Variants in DENND2B observed in about 807,000 individuals in gnomAD.
DENND2B encodes DENN domain containing 2B.
DENND2B carries 32 observed loss-of-function variants against 116.0 expected under a neutral mutation model. That is an observed-to-expected ratio of 0.28 (90% confidence interval 0.21 to 0.37). DENND2B has a LOEUF of 0.37. DENND2B is among the 10% of genes least tolerant of loss of function. The probability of loss-of-function intolerance (pLI) is 1.00; values close to 1 mark genes in which losing one functional copy is unlikely to be tolerated. For missense variants in DENND2B, 1,276 were observed against 1,477.7 expected (o/e 0.86, Z 2.24); for synonymous variants, 588 against 583.9 (o/e 1.01, Z -0.10).
chr11:8,698,654 G>C (rs2040900541), intron 16 of DENND2B, among the ~76,000 whole-genome samples: 1 of 152,208 alleles, frequency 6.6e-6, no homozygotes, highest in South Asian at 2.1e-4. Flanking sequence ...AAGACCATGT[G>C]GCTCAAAGGG....
At chr11:8,732,759 T>C (rs1340888334) in intron 2 of DENND2B, among the ~76,000 whole-genome samples, 1 of 152,220 alleles carries the variant, frequency 6.6e-6, no homozygotes, top group Non-Finnish European at 1.5e-5. Flanking sequence ...TCCAAACAGT[T>C]TCAGTTCAAA....
chr11:8,721,018 A>C (rs1297224753), intron 4 of DENND2B, among the ~76,000 whole-genome samples: 1 of 151,862 alleles, frequency 6.6e-6, no homozygotes, highest in Non-Finnish European at 1.5e-5. Flanking sequence ...AGTCCACATG[A>C]CCCTTGGAGA....
intron 1 of DENND2B, chr11:8,776,148 A>ACGCGCG: frequency 1.1e-5 from 2 of 189,044 alleles, no homozygotes; most frequent in South Asian, 3.5e-5. Context: ...ACGTGCGCGC[A>ACGCGCG]CGCGCGCGCG....
At chr11:8,815,830 TGA>T (rs1362715105) in intron 4 of DENND2B, among the ~76,000 whole-genome samples, 1 of 152,206 alleles carries the variant, frequency 6.6e-6, no homozygotes, top group Non-Finnish European at 1.5e-5. Flanking sequence ...TAAGTGTGTG[TGA>T]GATAAACGAA....
chr11:8,869,245 A>G (rs1004692598), intron 2 of DENND2B, among the ~76,000 whole-genome samples: 1 of 152,236 alleles, frequency 6.6e-6, no homozygotes, highest in Non-Finnish European at 1.5e-5. Context: ...TTAAGGTAAG[A>G]GTTGCCTTGG....
At chr11:8,737,307 T>G (rs1419862707) in intron 2 of DENND2B, among the ~76,000 whole-genome samples, 1 of 152,104 alleles carries the variant, frequency 6.6e-6, no homozygotes, top group Non-Finnish European at 1.5e-5. Context: ...GAAGAAGAAC[T>G]AGCCAAGGAG....
intron 1 of DENND2B, chr11:8,909,960 T>G (rs1589903565): frequency 6.6e-6 from 1 of 152,246 alleles, no homozygotes; most frequent in East Asian, 1.9e-4. Context: ...TAATTAGCAG[T>G]GAGAGCCTGG....
intron 1 of DENND2B, among the ~76,000 whole-genome samples, chr11:8,795,827 C>G (rs2059765965): frequency 6.6e-6 from 1 of 152,218 alleles, no homozygotes; most frequent in Non-Finnish European, 1.5e-5. Flanking sequence ...CCAGCCTCAT[C>G]TTCCAACCCA....
intron 3 of DENND2B, among the ~76,000 whole-genome samples, chr11:8,841,231 T>C (rs915543390): frequency 6.6e-6 from 1 of 152,192 alleles, no homozygotes; most frequent in Non-Finnish European, 1.5e-5. Context: ...TCTTATATGT[T>C]GTGAAGATGA....
intron 1 of DENND2B, among the ~76,000 whole-genome samples, chr11:8,788,237 C>A (rs2059086146): frequency 6.6e-6 from 1 of 152,120 alleles, no homozygotes; most frequent in Non-Finnish European, 1.5e-5. Context: ...ACCAGAAAAG[C>A]ATTGGGGTTA....
intron 3 of DENND2B, among the ~76,000 whole-genome samples, chr11:8,728,414 G>A (rs2047506955): frequency 2.0e-5 from 3 of 152,096 alleles, no homozygotes; most frequent in Admixed American, 2.0e-4. Flanking sequence ...GTGTGAAATG[G>A]CATACAGAAC....
chr11:8,719,447 T>G (rs2045743622), intron 4 of DENND2B, among the ~76,000 whole-genome samples: 1 of 152,162 alleles, frequency 6.6e-6, no homozygotes, highest in Non-Finnish European at 1.5e-5. Context: ...CTGGATTAAG[T>G]GATTCCCAAC....
chr11:8,760,965 C>G (rs1565878845), intron 1 of DENND2B, among the ~76,000 whole-genome samples: 1 of 152,118 alleles, frequency 6.6e-6, no homozygotes, highest in Non-Finnish European at 1.5e-5. Flanking sequence ...AAAGTAAGAA[C>G]TTTTTCCATC....
At chr11:8,868,517 G>A (rs868690912) in intron 2 of DENND2B, among the ~76,000 whole-genome samples, 18 of 152,194 alleles carry the variant, frequency 1.2e-4, no homozygotes, top group African/African-American at 4.1e-4. Flanking sequence ...ATGTTAGTCT[G>A]AGAGCCAGGC....
chr11:8,822,390 A>T (rs2061799502), intron 4 of DENND2B, among the ~76,000 whole-genome samples: 1 of 152,200 alleles, frequency 6.6e-6, no homozygotes, highest in Non-Finnish European at 1.5e-5. Flanking sequence ...CTCTTGGCAA[A>T]TTTCAAGTAA....
intron 2 of DENND2B, among the ~76,000 whole-genome samples, chr11:8,740,235 A>G (rs10769948): frequency 0.36 from 54,049 of 151,724 alleles, 11,364 homozygotes; most frequent in Non-Finnish European, 0.45. Context: ...AAAAAGCATC[A>G]TGTGTATGTG....
intron 1 of DENND2B, chr11:8,808,543 AAG>A (rs1228050555): frequency 6.6e-6 from 1 of 152,230 alleles, no homozygotes; most frequent in East Asian, 1.9e-4. Flanking sequence ...CATCCTGAAG[AAG>A]TCTTTTCAGA....
intron 1 of DENND2B, among the ~76,000 whole-genome samples, chr11:8,891,826 G>A (rs1280077233): frequency 1.3e-5 from 2 of 152,190 alleles, no homozygotes; most frequent in Non-Finnish European, 2.9e-5. Context: ...ACATTAGACA[G>A]ATCAACGGGA....
chr11:8,880,383 G>GTGTGTGTGTA (rs1327960965), intron 2 of DENND2B, among the ~76,000 whole-genome samples: 1 of 146,506 alleles, frequency 6.8e-6, no homozygotes, highest in Non-Finnish European at 1.5e-5. Context: ...GTGTGTGTGT[G>GTGTGTGTGTA]TAGTTTTTAC....
Sources: allele counts gnomAD v4.1 joint callset (sites outside exome capture counted in the v4.1 genomes callset), GRCh38; gene constraint gnomAD v4.1.1; transcripts MANE v1.5; gene names NCBI Gene and HGNC (gene_info 2026-07-23, HGNC 2026-07-21).